TENM3: variants seen among roughly 807,000 people sequenced by gnomAD.
TENM3 encodes the protein teneurin transmembrane protein 3.
TENM3 carries 63 observed loss-of-function variants against 255.1 expected under a neutral mutation model. The ratio of observed to expected loss-of-function variants is 0.25; its 90% CI spans 0.20 to 0.30. TENM3 has a LOEUF of 0.30. TENM3 is among the 10% of genes least tolerant of loss of function. TENM3 has a pLI of 1.00. For missense variants in TENM3, 2,929 were observed against 3,461.1 expected (o/e 0.85, Z 3.86); for synonymous variants, 1,306 against 1,322.3 (o/e 0.99, Z 0.27).
chr4:181,842,440 A>C, the TENM3 span, among the ~76,000 whole-genome samples: 2 of 152,232 alleles, frequency 1.3e-5, no homozygotes, highest in Non-Finnish European at 2.9e-5. Context: ...AATTGGCATG[A>C]CTGAAGTGCA....
At chr4:182,753,365 T>TA in intron 20 of TENM3, 85 bp from the exon 21 acceptor site, 1 of 1,186,988 alleles carries the variant, frequency 8.4e-7, no homozygotes, top group South Asian at 1.4e-5. Context: ...TGGGGTTAAA[T>TA]AACTGAGTTT....
chr4:181,619,805 A>G, the TENM3 span, among the ~76,000 whole-genome samples: 2 of 152,062 alleles, frequency 1.3e-5, no homozygotes. Flanking sequence ...GGGCCATCAG[A>G]GTCATTTGGA....
the TENM3 span, among the ~76,000 whole-genome samples, chr4:182,108,120 T>A: frequency 6.6e-6 from 1 of 152,148 alleles, no homozygotes; most frequent in East Asian, 1.9e-4. Context: ...AGCTTGTCAC[T>A]CCGTTTACAG....
intron 6 of TENM3, among the ~76,000 whole-genome samples, chr4:182,665,294 G>A (rs10023889): frequency 0.018 from 2,729 of 152,206 alleles, 87 homozygotes; most frequent in African/African-American, 0.062. Context: ...TGTTTACAAC[G>A]TGGCTACTAA....
the TENM3 span, among the ~76,000 whole-genome samples, chr4:181,891,863 G>A: frequency 3.6e-4 from 55 of 152,086 alleles, no homozygotes; most frequent in South Asian, 1.0e-3. Flanking sequence ...ATAGTATGGC[G>A]GAAAGGGGAG....
intron 13 of TENM3, among the ~76,000 whole-genome samples, chr4:182,715,221 T>A (rs1579209975): frequency 6.6e-6 from 1 of 152,184 alleles, no homozygotes; most frequent in Non-Finnish European, 1.5e-5. Context: ...GCTGCATTTT[T>A]AGGAGGGCTG....
At chr4:182,674,736 C>T (rs557586466) in intron 7 of TENM3, among the ~76,000 whole-genome samples, 3 of 152,156 alleles carry the variant, frequency 2.0e-5, no homozygotes, top group South Asian at 2.1e-4. Context: ...TCACCGCCCC[C>T]GGCTAATTTT....
chr4:181,533,770 G>A, the TENM3 span, among the ~76,000 whole-genome samples: 313 of 149,520 alleles, frequency 2.1e-3, 4 homozygotes, highest in African/African-American at 7.2e-3. Context: ...GTTTTCTGAC[G>A]TAGACCTTCT....
the TENM3 span, among the ~76,000 whole-genome samples, chr4:181,610,471 G>A: frequency 1.1e-4 from 16 of 152,074 alleles, no homozygotes; most frequent in Non-Finnish European, 1.5e-4. Flanking sequence ...CAGTTACATC[G>A]AGCTTTTTAG....
intron 4 of TENM3, among the ~76,000 whole-genome samples, chr4:182,621,299 G>A (rs190505515): frequency 6.6e-6 from 1 of 151,968 alleles, no homozygotes; most frequent in African/African-American, 2.4e-5. Context: ...CAGGTGATTT[G>A]GCTTCTCTTC....
At chr4:182,231,278 C>T (rs1756559525) in intron 1 of TENM3, among the ~76,000 whole-genome samples, 1 of 152,084 alleles carries the variant, frequency 6.6e-6, no homozygotes. Context: ...CTGACCAAGT[C>T]CTACCAGACC....
At chr4:181,874,116 A>G in the TENM3 span, among the ~76,000 whole-genome samples, 2 of 151,834 alleles carry the variant, frequency 1.3e-5, no homozygotes, top group South Asian at 4.2e-4. Context: ...ATAGGGTTTC[A>G]CCATGCTGGC....
At chr4:182,766,651 A>C (rs1458136398) in intron 22 of TENM3, among the ~76,000 whole-genome samples, 1 of 152,168 alleles carries the variant, frequency 6.6e-6, no homozygotes, top group Non-Finnish European at 1.5e-5. Context: ...CACTATGCTC[A>C]GCGTTCAAAA....
chr4:181,769,838 C>G, the TENM3 span, among the ~76,000 whole-genome samples: 2 of 152,106 alleles, frequency 1.3e-5, no homozygotes, highest in Non-Finnish European at 2.9e-5. Context: ...TACTACACCC[C>G]TTTTGTGGAG....
At chr4:181,514,879 T>G in the TENM3 span, among the ~76,000 whole-genome samples, 1 of 152,158 alleles carries the variant, frequency 6.6e-6, no homozygotes, top group African/African-American at 2.4e-5. Flanking sequence ...ACTAGGCATT[T>G]CCCATATATT....
the TENM3 span, chr4:181,976,674 G>A: frequency 6.6e-6 from 1 of 152,194 alleles, no homozygotes; most frequent in Non-Finnish European, 1.5e-5. Context: ...GAAACCAAGT[G>A]GGAATGTCAA....
chr4:181,693,929 G>A, the TENM3 span, among the ~76,000 whole-genome samples: 1 of 152,052 alleles, frequency 6.6e-6, no homozygotes, highest in African/African-American at 2.4e-5. Context: ...AGATCTTTTG[G>A]GGGTGATCAG....
chr4:182,589,446 A>ATTTTTTTT (rs367629189), intron 3 of TENM3, among the ~76,000 whole-genome samples: 1 of 129,412 alleles, frequency 7.7e-6, no homozygotes, highest in Non-Finnish European at 1.6e-5. Context: ...TAGGTTTTTA[A>ATTTTTTTT]TTTTTTTTTT....
At chr4:181,615,439 A>G in the TENM3 span, among the ~76,000 whole-genome samples, 1 of 151,974 alleles carries the variant, frequency 6.6e-6, no homozygotes, top group East Asian at 1.9e-4. Context: ...CCCTACCTTC[A>G]CTCACTAAAG....
Sources: allele counts gnomAD v4.1 joint callset (sites outside exome capture counted in the v4.1 genomes callset), GRCh38; gene constraint gnomAD v4.1.1; transcripts MANE v1.5; gene names NCBI Gene and HGNC (gene_info 2026-07-23, HGNC 2026-07-21).